Variants in EPC2 observed in about 807,000 individuals in gnomAD.
The protein encoded by EPC2 is enhancer of polycomb 2.
Under a neutral mutation model 92.1 loss-of-function variants are expected in EPC2, and 14 were observed. The observed-to-expected ratio is 0.15, with a 90% CI of 0.10 to 0.24. EPC2 has a LOEUF of 0.24. Ranked by LOEUF, EPC2 falls within the 10% of genes least tolerant of loss-of-function variation. EPC2 has a pLI of 1.00. For synonymous variants in EPC2, 340 were observed against 334.7 expected (o/e 1.02, Z -0.17); for missense variants, 755 against 971.5 (o/e 0.78, Z 2.96).
chr2:148,735,904 T>C (rs188370158), intron 2 of EPC2, among the ~76,000 whole-genome samples: 2 of 152,188 alleles, frequency 1.3e-5, no homozygotes, highest in African/African-American at 4.8e-5. Context: ...AATTTCCATG[T>C]GTTATAGCTG....
chr2:148,759,284 G>C (rs144633118), intron 4 of EPC2, among the ~76,000 whole-genome samples: 2,142 of 152,186 alleles, frequency 0.014, 52 homozygotes, highest in African/African-American at 0.049. Flanking sequence ...GTAGAGACAG[G>C]GTTTTACCAT....
intron 2 of EPC2, chr2:148,691,725 T>A: frequency 2.8e-6 from 3 of 1,079,118 alleles, no homozygotes; most frequent in Non-Finnish European, 4.2e-6. Context: ...AGGCTGCAGA[T>A]CTGCTCAAGG....
intron 1 of EPC2, among the ~76,000 whole-genome samples, chr2:148,677,036 A>ATTACC (rs1681281474): frequency 6.6e-6 from 1 of 152,166 alleles, no homozygotes; most frequent in African/African-American, 2.4e-5. Context: ...AGGAATTGAT[A>ATTACC]TTACCTCTGT....
intron 10 of EPC2, among the ~76,000 whole-genome samples, chr2:148,772,968 A>G (rs1284422184): frequency 2.6e-5 from 4 of 152,154 alleles, no homozygotes; most frequent in Admixed American, 6.5e-5. Flanking sequence ...ATTTGACCAT[A>G]GGCTGATTGT....
At chr2:148,710,432 A>T (rs1218411398) in intron 2 of EPC2, among the ~76,000 whole-genome samples, 1 of 152,240 alleles carries the variant, frequency 6.6e-6, no homozygotes, top group Non-Finnish European at 1.5e-5. Flanking sequence ...ATTGTGGAAG[A>T]CAGTGTGGCA....
intron 1 of EPC2, among the ~76,000 whole-genome samples, chr2:148,676,894 A>T (rs879643372): frequency 4.0e-4 from 61 of 151,164 alleles, no homozygotes; most frequent in Non-Finnish European, 8.1e-4. Context: ...TGAATTCCAT[A>T]AACAGAGTTG....
chr2:148,758,680 G>C (rs1363436762), intron 4 of EPC2, among the ~76,000 whole-genome samples: 1 of 152,184 alleles, frequency 6.6e-6, no homozygotes. Flanking sequence ...GCAGGCATGA[G>C]CTACTGTGCC....
chr2:148,694,262 A>T (rs1489488632), intron 2 of EPC2, among the ~76,000 whole-genome samples: 1 of 152,182 alleles, frequency 6.6e-6, no homozygotes, highest in Non-Finnish European at 1.5e-5. Flanking sequence ...ATTTAGCCCA[A>T]AAAGTGCCGA....
chr2:148,772,806 GAC>G (rs2105432898), intron 10 of EPC2, among the ~76,000 whole-genome samples: 1 of 152,198 alleles, frequency 6.6e-6, no homozygotes, highest in East Asian at 1.9e-4. Flanking sequence ...GTAGAAAGTT[GAC>G]AAATATTAAA....
intron 2 of EPC2, among the ~76,000 whole-genome samples, chr2:148,712,316 A>G (rs1377951967): frequency 6.6e-6 from 1 of 152,008 alleles, no homozygotes; most frequent in African/African-American, 2.4e-5. Context: ...GCCACTTGCA[A>G]GTAGCACTAT....
chr2:148,735,336 T>G (rs983106557), intron 2 of EPC2, among the ~76,000 whole-genome samples: 4 of 152,098 alleles, frequency 2.6e-5, no homozygotes, highest in Non-Finnish European at 5.9e-5. Flanking sequence ...ACAATTTTTG[T>G]CAGTTTGATG....
At chr2:148,770,117 A>G (rs942952601) in intron 8 of EPC2, among the ~76,000 whole-genome samples, 4 of 152,108 alleles carry the variant, frequency 2.6e-5, no homozygotes, top group African/African-American at 7.2e-5. Flanking sequence ...GCAATCATAC[A>G]GTTCACCGTA....
At chr2:148,709,400 G>A (rs1180610661) in intron 2 of EPC2, among the ~76,000 whole-genome samples, 4 of 152,158 alleles carry the variant, frequency 2.6e-5, no homozygotes, top group South Asian at 2.1e-4. Context: ...AATCAATATC[G>A]TAAAAATGGC....
intron 2 of EPC2, 65 bp downstream of exon 2, chr2:148,690,438 CTT>C: frequency 7.0e-7 from 1 of 1,419,246 alleles, no homozygotes; most frequent in Non-Finnish European, 9.4e-7. Context: ...GAAATCTTTT[CTT>C]TTGTCTAAAG....
At chr2:148,679,902 C>T (rs907527755) in intron 1 of EPC2, among the ~76,000 whole-genome samples, 1 of 152,146 alleles carries the variant, frequency 6.6e-6, no homozygotes, top group Non-Finnish European at 1.5e-5. Context: ...CCTGTCTTGC[C>T]TCCCAAAGTG....
intron 7 of EPC2, among the ~76,000 whole-genome samples, chr2:148,768,495 T>C (rs960441073): frequency 6.6e-6 from 1 of 152,234 alleles, no homozygotes; most frequent in South Asian, 2.1e-4. Context: ...TCTGAAAGTC[T>C]TTATTCTTTT....
intron 10 of EPC2, among the ~76,000 whole-genome samples, chr2:148,777,776 T>A (rs1013014562): frequency 1.3e-5 from 2 of 152,122 alleles, no homozygotes; most frequent in African/African-American, 4.8e-5. Context: ...TTTCCAAGGA[T>A]GGTGACAGAT....
intron 1 of EPC2, among the ~76,000 whole-genome samples, chr2:148,645,720 G>T (rs1191637531): frequency 6.6e-6 from 1 of 152,174 alleles, no homozygotes; most frequent in African/African-American, 2.4e-5. Flanking sequence ...CACTGCGGCG[G>T]GGGAGGGCGG....
intron 2 of EPC2, chr2:148,692,703 T>C (rs1681668549): frequency 6.6e-6 from 1 of 152,166 alleles, no homozygotes; most frequent in South Asian, 2.1e-4. Flanking sequence ...TATCAATTAT[T>C]TTGTATTTTG....
Sources: gnomAD v4.1 joint callset for allele counts (sites outside exome capture counted in the v4.1 genomes callset) on GRCh38, gnomAD v4.1.1 for gene constraint, MANE v1.5 for transcripts, NCBI Gene and HGNC (gene_info 2026-07-23, HGNC 2026-07-21) for gene names.